Variants in RCC1 observed in about 807,000 individuals in gnomAD.
RCC1 encodes the protein regulator of chromosome condensation 1, also known as regulator of chromosome condensation.
In RCC1, 11 loss-of-function variants were observed where a neutral mutation model predicts 44.4. That is an observed-to-expected ratio of 0.25 (90% CI 0.16 to 0.41). RCC1 has a LOEUF of 0.41. RCC1 is among the 10% of genes least tolerant of loss of function. The probability of loss-of-function intolerance (pLI) is 1.00; values close to 1 mark genes in which losing one functional copy is unlikely to be tolerated. For missense variants in RCC1, 386 were observed against 547.1 expected, an observed-to-expected ratio of 0.71 and a Z score of 2.94; for synonymous variants, 213 against 216.5, an observed-to-expected ratio of 0.98 and a Z score of 0.14.
intron 3 of RCC1, among the ~76,000 whole-genome samples, chr1:28,514,019 A>T (rs76636101): frequency 1.3e-5 from 2 of 151,756 alleles, no homozygotes; most frequent in Non-Finnish European, 2.9e-5. Flanking sequence ...AAAAAAAAAA[A>T]TTAGCCAGGT....
Position 28,538,508 on chromosome 1 carries a change from A to T in RCC1, c.*501A>T, listed in dbSNP as rs1011228363. 6.6e-6 allele frequency: 1 copy of T among 152,494 alleles called. No individual in the cohort carries two copies. Among genetic ancestry groups the T allele is most frequent in the Non-Finnish European group, 1.5e-5 (1 of 68,242 alleles). 9.4% of individuals were successfully genotyped at this position (152,494 alleles called of 1,614,324 possible). On this transcript the variant is annotated 3_prime_UTR_variant, in exon 13 of 13. Transcript: ENST00000683442. Reference sequence around the variant, plus strand: ...CCCAGAGGAACGTGCAGAAAAAAGCAGAGCTACATGGCTGTGGGCAACTAT... The same window carrying T: ...CCCAGAGGAACGTGCAGAAAAAAGCTGAGCTACATGGCTGTGGGCAACTAT...
intron 4 of RCC1, among the ~76,000 whole-genome samples, chr1:28,520,431 G>A (rs1480065678): frequency 1.3e-5 from 2 of 152,180 alleles, no homozygotes; most frequent in African/African-American, 2.4e-5. Context: ...CAATAAATAA[G>A]GAAGGTGAGG....
rs1664570344 is a variant in RCC1 at position 28,536,629 on chromosome 1, C to G, written c.938-118C>G. The G allele has an allele frequency of 7.7e-7, 1 of 1,297,046 alleles. No homozygotes were observed. Among genetic ancestry groups the G allele is most frequent in the Non-Finnish European group, 1.1e-6 (1 of 928,608 alleles). The allele number at this position is 1,297,046 out of a possible 1,614,324, so 80.3% of individuals were successfully genotyped here. A position where few individuals can be genotyped will look rare whatever the true frequency, so the allele number is the denominator to read the frequency against. Reference sequence around the variant, plus strand: ...GGGAAGAGACACTGCAGATCTCCTTCTGATCGCTCTGGGAGCAGGGACACA... The same window carrying G: ...GGGAAGAGACACTGCAGATCTCCTTGTGATCGCTCTGGGAGCAGGGACACA... On this transcript the variant is annotated intron_variant, in intron 11 of 12. Coordinates refer to ENST00000683442, the MANE Select transcript of RCC1 (RefSeq NM_001381865.2). This position sits in a 1 kb window ranked among gnomAD's most constrained non-coding sequence, Gnocchi z 4.9.
intron 1 of RCC1, chr1:28,507,292 A>C (rs898422504): frequency 1.0e-5 from 5 of 496,546 alleles, no homozygotes; most frequent in African/African-American, 2.0e-5. Context: ...TTTCTTGTTT[A>C]AGATCTGTAG....
At chr1:28,537,355 C>T (rs893877384) in intron 12 of RCC1, among the ~76,000 whole-genome samples, 5 of 152,138 alleles carry the variant, frequency 3.3e-5, no homozygotes, top group Admixed American at 3.3e-4. Context: ...CAAGTGACCA[C>T]CAAAGCCTGA....
At chr1:28,510,398 C>G (rs1177254651) in intron 3 of RCC1, 1 of 152,180 alleles carries the variant, frequency 6.6e-6, no homozygotes. Flanking sequence ...AGCACTTAGG[C>G]TAAGGCAGGC....
intron 5 of RCC1, among the ~76,000 whole-genome samples, chr1:28,530,875 T>C (rs1000352153): frequency 2.6e-5 from 4 of 152,188 alleles, no homozygotes; most frequent in Non-Finnish European, 4.4e-5. Flanking sequence ...GCTGAACTTA[T>C]TCACTGGCGG....
intron 4 of RCC1, chr1:28,518,821 C>T (rs542463943): frequency 3.3e-5 from 5 of 152,410 alleles, no homozygotes; most frequent in Admixed American, 2.6e-4. Context: ...AACTCCGCAG[C>T]AGCTCAGTCT....
chr1:28,526,342 C>A lies in RCC1; in HGVS notation c.-9-3516C>A. 4 of 335,438 alleles carry A rather than the reference C, an allele frequency of 1.2e-5. No homozygotes were observed. The South Asian group carries it at 1.9e-4, about 16-fold the overall frequency. 20.8% of individuals were successfully genotyped at this position (335,438 alleles called of 1,614,324 possible). A position where few individuals can be genotyped will look rare whatever the true frequency, so the allele number is the denominator to read the frequency against. On this transcript the variant is annotated intron_variant, in intron 4 of 12. Transcript: ENST00000683442. ...AAGTACTTGATGACTCCATTGGGGT[C>A]AATTATGAAGAGACCTCTTAGTGCA...
chr1:28,511,997 G>A (rs1451207310), intron 3 of RCC1, among the ~76,000 whole-genome samples: 1 of 64,276 alleles, frequency 1.6e-5, no homozygotes, highest in African/African-American at 5.0e-5. Flanking sequence ...TTTTTTTTTT[G>A]AGATGGAGTC....
chr1:28,511,407 T>G (rs1407311334), intron 3 of RCC1, among the ~76,000 whole-genome samples: 17 of 144,750 alleles, frequency 1.2e-4, no homozygotes, highest in African/African-American at 3.1e-4. Context: ...TTTTTTGTTT[T>G]TTTTTTTTTT....
chr1:28,510,143 G>A (rs978893909), intron 3 of RCC1: 9 of 152,336 alleles, frequency 5.9e-5, no homozygotes, highest in African/African-American at 1.2e-4. Context: ...TGGGACAGCC[G>A]TTAAGCCATT....
At chr1:28,533,013 C>T (rs1194704311) in intron 7 of RCC1, among the ~76,000 whole-genome samples, 1 of 151,932 alleles carries the variant, frequency 6.6e-6, no homozygotes, top group Non-Finnish European at 1.5e-5. Flanking sequence ...CGGGGTTTCC[C>T]CTGTTGGTCA....
In RCC1 at chr1:28,530,592, C is replaced by T. The variant is rs759616181; in HGVS notation, c.73+653C>T. On this transcript the variant is annotated intron_variant, in intron 5 of 12. Transcript: ENST00000683442. ...TGCCAAGGTGCCTGCGGGCCGAGCC[C>T]TCCTGACCAGAAAACCCGACCAGGT... 1.5e-5 allele frequency: 24 copies of T among 1,605,188 alleles called. No homozygotes were observed. The highest frequency in any genetic ancestry group is 2.0e-5 in the Non-Finnish European group (23 of 1,179,260).
At chr1:28,517,263 A>C (rs1662952168) in intron 4 of RCC1, among the ~76,000 whole-genome samples, 1 of 152,180 alleles carries the variant, frequency 6.6e-6, no homozygotes, top group Admixed American at 6.6e-5. Context: ...GGAACACCTG[A>C]AATCCTGAAG....
At chr1:28,533,071 C>G (rs1664280372) in intron 7 of RCC1, among the ~76,000 whole-genome samples, 1 of 152,166 alleles carries the variant, frequency 6.6e-6, no homozygotes, top group African/African-American at 2.4e-5. Flanking sequence ...GCCTCAGCCT[C>G]CCAAAGTGCT....
intron 4 of RCC1, among the ~76,000 whole-genome samples, chr1:28,517,957 CT>C (rs1662992063): frequency 6.6e-6 from 1 of 152,140 alleles, no homozygotes; most frequent in African/African-American, 2.4e-5. Flanking sequence ...AGATGAGTAT[CT>C]TTTTTCTCCG....
intron 4 of RCC1, among the ~76,000 whole-genome samples, chr1:28,522,627 G>A (rs796278171): frequency 4.0e-5 from 6 of 151,848 alleles, no homozygotes; most frequent in African/African-American, 1.4e-4. Flanking sequence ...GGGCAACATA[G>A]TGAGACCTTG....
At chr1:28,512,757 AAAGTGTATTATTGTTGTTGT>A (rs1193265608) in intron 3 of RCC1, among the ~76,000 whole-genome samples, 2 of 152,102 alleles carry the variant, frequency 1.3e-5, no homozygotes, top group African/African-American at 4.8e-5. Context: ...GGGCTACTTG[AAAGTGTATTATTGTTGTTGT>A]ATTAGTGTTG....
Sources: gnomAD v4.1 joint callset for allele counts (sites outside exome capture counted in the v4.1 genomes callset) on GRCh38, gnomAD v4.1.1 for gene constraint, Gnocchi (gnomAD v3.1) non-coding constraint, MANE v1.5 for transcripts, NCBI Gene and HGNC (gene_info 2026-07-23, HGNC 2026-07-21) for gene names.